Variants in BRME1 observed in about 807,000 individuals in gnomAD.
BRME1 encodes BRCA2 and MEILB2-associating protein 1.
Under a neutral mutation model 52.6 loss-of-function variants are expected in BRME1, and 31 were observed. That is an observed-to-expected ratio of 0.59 (90% CI 0.44 to 0.80). The LOEUF is 0.80. Among genes scored for constraint, BRME1 ranks in the 30% least tolerant of loss-of-function variants. BRME1 has a pLI of 0.00. For synonymous variants in BRME1, 359 were observed against 353.6 expected (o/e 1.02, Z -0.17); for missense variants, 804 against 860.3 (o/e 0.93, Z 0.82).
intron 6 of BRME1, among the ~76,000 whole-genome samples, chr19:13,887,448 C>A (rs1483534075): frequency 6.6e-6 from 1 of 152,172 alleles, no homozygotes; most frequent in East Asian, 1.9e-4. Flanking sequence ...CTGTCTGGAT[C>A]CCCCCAAGTC....
chr19:13,883,652 C>T lies in BRME1; in HGVS notation c.1764-252G>A, dbSNP rs1968794937. On this transcript the variant is annotated intron_variant, in intron 7 of 8. Transcript: ENST00000586783. This position sits in a 1 kb window ranked among gnomAD's most constrained non-coding sequence, Gnocchi z 4.2. ...CTGCCACCGCCTCCCTATCTCCTGCCCCTGTGGCTTGTCCCCCACAGGCAC... is the reference window on the plus strand; with the variant it reads ...CTGCCACCGCCTCCCTATCTCCTGCTCCTGTGGCTTGTCCCCCACAGGCAC... 6 of 457,332 alleles carry T rather than the reference C, an allele frequency of 1.3e-5. No individual in the cohort carries two copies. In the South Asian group the frequency reaches 1.4e-4, roughly 11 times the overall value. The allele number at this position is 457,332 out of a possible 1,614,324, so 28.3% of individuals were successfully genotyped here. A position where few individuals can be genotyped will look rare whatever the true frequency, so the allele number is the denominator to read the frequency against.
intron 2 of BRME1, among the ~76,000 whole-genome samples, chr19:13,899,631 C>T (rs1970161974): frequency 6.6e-6 from 1 of 152,184 alleles, no homozygotes; most frequent in Admixed American, 6.6e-5. Flanking sequence ...CTTCGCCCTG[C>T]CCTGCCCCAT....
At chr19:13,892,401 C>T (rs1969566919) in intron 5 of BRME1, among the ~76,000 whole-genome samples, 1 of 151,976 alleles carries the variant, frequency 6.6e-6, no homozygotes, top group African/African-American at 2.4e-5. Flanking sequence ...GGCTGGCCAA[C>T]ATGGTAAAAC....
chr19:13,895,643 G>A (rs1430585055), intron 2 of BRME1, 97 bp from the exon 3 acceptor site: 12 of 1,079,926 alleles, frequency 1.1e-5, no homozygotes, highest in Admixed American at 8.8e-5. Context: ...GGCTGCACGC[G>A]AGAAGGGGCC....
chr19:13,899,457 T>C (rs1970150404), intron 2 of BRME1, among the ~76,000 whole-genome samples: 2 of 152,142 alleles, frequency 1.3e-5, no homozygotes, highest in Non-Finnish European at 2.9e-5. Flanking sequence ...GGTAAGTTGC[T>C]TGTAATTCTG....
chr19:13,897,554 T>C (rs1173701343), intron 2 of BRME1, among the ~76,000 whole-genome samples: 1 of 152,206 alleles, frequency 6.6e-6, no homozygotes, highest in Non-Finnish European at 1.5e-5. Flanking sequence ...AATATTATCT[T>C]TGTCCATGAT....
rs1169754721 is a variant in BRME1, at chr19:13,895,399, C to T, written c.179G>A (p.Gly60Glu). The stretch of plus-strand genomic sequence containing the variant: ...GGAGACGGCCTTTCCTGGTTCCTCC[C>T]CGTGCTGCTGTGTAGAGGGAACAGG... Reference protein sequence around the residue: ...LGPVPSTQQHGEEPGKAVSSS... With the variant: ...LGPVPSTQQHEEEPGKAVSSS... The change falls in exon 3 of 9, where the codon GGG becomes GAG. Residue 60 changes from glycine (G) to glutamate (E), a missense_variant. Coordinates refer to ENST00000586783, the MANE Select transcript of BRME1 (RefSeq NM_001345843.2). 2 of 1,613,602 alleles carry T rather than the reference C, an allele frequency of 1.2e-6. No homozygotes were observed. The highest frequency in any genetic ancestry group is 1.7e-5 in the Admixed American group (1 of 59,908).
Position 13,889,266 on chromosome 19 carries a change from A to T in BRME1, c.1590T>A (p.Ala530=). The change falls in exon 6 of 9, where the codon GCT becomes GCA. Residue 530 remains alanine, a synonymous_variant. Transcript: ENST00000586783. The stretch of plus-strand genomic sequence containing the variant: ...TGTCCAGCAGGAAGTCGAGTTCCAC[A>T]GCTAAAGAGTCTGCCCAGGTGCCCT... ...ADQGTWADSL[A]VELDFLLDSQ... is the part of the protein sequence containing the mutation. 6.2e-7 allele frequency: 1 copy of T among 1,614,014 alleles called. No homozygotes were observed. The highest frequency in any genetic ancestry group is 2.2e-5 in the East Asian group (1 of 44,888).
rs2039802190 is a variant in BRME1 at position 13,882,407 on chromosome 19, T to C, written c.*395A>G. 2.4e-6 allele frequency: 1 copy of C among 409,744 alleles called. No individual in the cohort carries two copies. Among genetic ancestry groups the C allele is most frequent in the Non-Finnish European group, 4.3e-6 (1 of 233,002 alleles). 25.4% of individuals were successfully genotyped at this position (409,744 alleles called of 1,614,324 possible). A position where few individuals can be genotyped will look rare whatever the true frequency, so the allele number is the denominator to read the frequency against. ...CTTCCCAGAAGAAATAAAATGGAAA[T>C]GGGGAGAAAGAAAACAAAGGGAGCT... On this transcript the variant is annotated 3_prime_UTR_variant, in exon 9 of 9. Coordinates refer to ENST00000586783, the MANE Select transcript of BRME1 (RefSeq NM_001345843.2).
At chr19:13,886,743 T>C (rs892046484) in intron 6 of BRME1, among the ~76,000 whole-genome samples, 1 of 143,470 alleles carries the variant, frequency 7.0e-6, no homozygotes, top group Admixed American at 7.3e-5. Flanking sequence ...GAGGATTGTT[T>C]GAGGCCAAGA....
At chr19:13,902,668 AC>A (rs987652836) in intron 2 of BRME1, among the ~76,000 whole-genome samples, 3 of 150,214 alleles carry the variant, frequency 2.0e-5, no homozygotes, top group African/African-American at 7.4e-5. Context: ...GCGGTGGCCT[AC>A]TCCTGTATCC....
At chr19:13,895,236 C>T (rs1043189714) in intron 3 of BRME1, 136 bp downstream of exon 3, 38 of 876,688 alleles carry the variant, frequency 4.3e-5, no homozygotes, top group Non-Finnish European at 5.2e-5. Flanking sequence ...TCCGAGGGCC[C>T]TGAGCTCTGG....
chr19:13,894,763 C>T (rs1183580052), intron 3 of BRME1, among the ~76,000 whole-genome samples: 1 of 152,132 alleles, frequency 6.6e-6, no homozygotes, highest in Admixed American at 6.6e-5. Context: ...ACAACAATTC[C>T]TTTGTTCCCT....
At chr19:13,886,555 T>C (rs908420328) in intron 6 of BRME1, among the ~76,000 whole-genome samples, 1 of 152,176 alleles carries the variant, frequency 6.6e-6, no homozygotes, top group Middle Eastern at 3.2e-3. Context: ...TCCCAGTGAA[T>C]ACAGGGGAAA....
At position 13,905,961 on chromosome 19, in the gene BRME1, G is replaced by A. The variant is rs3745457; in HGVS notation, c.-268C>T. The A allele has an allele frequency of 0.31, 45,820 of 149,260 alleles. 8,040 individuals are homozygous for A. The highest frequency in any genetic ancestry group is 0.55 in the African/African-American group (21,487 of 39,352). 9.2% of individuals were successfully genotyped at this position (149,260 alleles called of 1,614,324 possible). Reference sequence around the variant, plus strand: ...ACACTGACACTACGCCGACCACCGAGAAGTGAGGACTCCACAGGCCGAGAG... The same window carrying A: ...ACACTGACACTACGCCGACCACCGAAAAGTGAGGACTCCACAGGCCGAGAG... On this transcript the variant is annotated 5_prime_UTR_variant, in exon 1 of 9. Coordinates refer to ENST00000586783, the MANE Select transcript of BRME1 (RefSeq NM_001345843.2).
chr19:13,904,745 T>C, intron 2 of BRME1, 117 bp downstream of exon 2: 1 of 1,130,000 alleles, frequency 8.8e-7, no homozygotes, highest in Non-Finnish European at 1.3e-6. Flanking sequence ...CGGCCAATCC[T>C]TGCTTCCTTT....
At chr19:13,897,036 G>GA (rs1969955143) in intron 2 of BRME1, among the ~76,000 whole-genome samples, 1 of 139,264 alleles carries the variant, frequency 7.2e-6, no homozygotes, top group South Asian at 2.2e-4. Flanking sequence ...CCCTTACATC[G>GA]AAACTTTTTT....
At chr19:13,891,035 C>T (rs2145158366) in intron 5 of BRME1, among the ~76,000 whole-genome samples, 1 of 152,210 alleles carries the variant, frequency 6.6e-6, no homozygotes, top group South Asian at 2.1e-4. Context: ...GAAACCTCTC[C>T]TTCCACCAAG....
At chr19:13,891,192 C>G (rs1433155306) in intron 5 of BRME1, among the ~76,000 whole-genome samples, 1 of 147,190 alleles carries the variant, frequency 6.8e-6, no homozygotes, top group Non-Finnish European at 1.5e-5. Flanking sequence ...TCTTGTTGCC[C>G]AGGCTGGAGT....
Sources: allele counts gnomAD v4.1 joint callset (sites outside exome capture counted in the v4.1 genomes callset), GRCh38; gene constraint gnomAD v4.1.1; non-coding constraint Gnocchi (gnomAD v3.1); transcripts MANE v1.5; gene names NCBI Gene and HGNC (gene_info 2026-07-23, HGNC 2026-07-21).